PTPRU: variants seen among roughly 807,000 people sequenced by gnomAD.
PTPRU encodes the protein protein tyrosine phosphatase receptor type U.
A neutral mutation model predicts 166.3 loss-of-function variants in PTPRU; 69 were observed. That is an observed-to-expected ratio of 0.41 (90% CI 0.34 to 0.51). The LOEUF (loss-of-function observed/expected upper bound fraction) is 0.51. Ranked by LOEUF, PTPRU falls within the 20% of genes least tolerant of loss-of-function variation. The pLI, the probability that PTPRU is intolerant of heterozygous loss-of-function variation, is 0.09. For missense variants in PTPRU, 1,657 were observed against 2,013.7 expected, an observed-to-expected ratio of 0.82 and a Z score of 3.39; for synonymous variants, 793 against 814.0, an observed-to-expected ratio of 0.97 and a Z score of 0.44.
rs149193602 is a variant in PTPRU, at chr1:29,259,288, G to A, written c.505G>A (p.Asp169Asn). The change falls in exon 4 of 30, where the codon GAC (aspartate) becomes AAC (asparagine). Residue 169 changes from aspartate to asparagine, a missense_variant. Physicochemically the swap from Asp to Asn is conservative, Grantham distance 23. This residue lies in a region of PTPRU where 453 missense variants were observed against 496.9 expected (regional missense o/e 0.91). Transcript: ENST00000373779. ...QVLFEALISP[D>N]RRGYMGLDDI... ...GCTGTTTGAGGCCCTCATCTCCCCA[G>A]ACCGCAGGGGCTACATGGGCCTAGA... is the stretch of plus-strand genomic sequence containing the variant. The A allele has an allele frequency of 1.9e-6, 3 of 1,614,098 alleles. No individual in the cohort carries two copies. Among genetic ancestry groups the A allele is most frequent in the Non-Finnish European group, 2.5e-6 (3 of 1,179,958 alleles).
chr1:29,302,851 T>C (rs1574695071), intron 15 of PTPRU, among the ~76,000 whole-genome samples: 1 of 152,058 alleles, frequency 6.6e-6, no homozygotes, highest in African/African-American at 2.4e-5. Context: ...ACCCGGCCCA[T>C]TTATTATTTT....
intron 26 of PTPRU, among the ~76,000 whole-genome samples, chr1:29,321,325 G>C (rs1203734308): frequency 5.3e-5 from 8 of 151,736 alleles, no homozygotes; most frequent in African/African-American, 1.9e-4. Context: ...ATAGGCATGA[G>C]CCACTGCCTC....
At chr1:29,259,600 T>TTTTTGGGGGGGGGGGGGGGG in intron 5 of PTPRU, 36 bp downstream of exon 5, 1 of 253,678 alleles carries the variant, frequency 3.9e-6, no homozygotes, top group Non-Finnish European at 7.7e-6. Flanking sequence ...GGGGGCGGGG[T>TTTTTGGGGGGGGGGGGGGGG]GGGAGGGGGT....
rs757272592 is a variant in PTPRU at position 29,282,959 on chromosome 1, C to G, written c.2142+10C>G. Reference sequence around the variant, plus strand: ...AAGCCACCTGAAGGGGGTGAGGGACCGGCCAGGGTCATGGTGGGCGTGGTT... The same window carrying G: ...AAGCCACCTGAAGGGGGTGAGGGACGGGCCAGGGTCATGGTGGGCGTGGTT... On this transcript the variant is annotated intron_variant, in intron 12 of 29. Transcript: ENST00000373779. 3 of 1,610,052 alleles carry G rather than the reference C, an allele frequency of 1.9e-6. No individual in the cohort carries two copies. The highest frequency in any genetic ancestry group is 1.4e-5 in the African/African-American group (1 of 73,586).
At chr1:29,276,400 C>G (rs558503111) in intron 8 of PTPRU, among the ~76,000 whole-genome samples, 1 of 152,324 alleles carries the variant, frequency 6.6e-6, no homozygotes, top group Non-Finnish European at 1.5e-5. Context: ...ACTGCAGCCT[C>G]GACCTCCCAG....
rs980745920 is a variant in PTPRU, at chr1:29,316,233, T to C, written c.3513+82T>C. On this transcript the variant is annotated intron_variant, in intron 24 of 29. Coordinates refer to ENST00000373779, the MANE Select transcript of PTPRU (RefSeq NM_133178.4). ...GGCATCCTTAATACTGCAGGAGTCA[T>C]TGAGGGCCAAGAAGCAGGGACCAGC... 8.9e-6 allele frequency: 13 copies of C among 1,464,796 alleles called. No homozygotes were observed. The African/African-American group carries it at 9.8e-5, about 11-fold the overall frequency. 90.7% of individuals were successfully genotyped at this position (1,464,796 alleles called of 1,614,324 possible).
At chr1:29,323,066 C>T (rs1052827793) in intron 26 of PTPRU, among the ~76,000 whole-genome samples, 11 of 152,180 alleles carry the variant, frequency 7.2e-5, no homozygotes, top group Admixed American at 7.2e-4. Flanking sequence ...CATGTAGGAG[C>T]GTGTGAACCG....
In PTPRU at chr1:29,310,519, C is replaced by T. The variant is rs527617562; in HGVS notation, c.2821-225C>T. The stretch of plus-strand genomic sequence containing the variant: ...ATGTCCTCCCTGGGGTTGCACAGCC[C>T]AGGTTGGATTAAGCCCACGACTCTG... On this transcript the variant is annotated intron_variant, in intron 18 of 29. Transcript: ENST00000373779. 2.7e-4 allele frequency among the ~76,000 whole-genome samples: 41 copies of T among 152,220 alleles called. No homozygotes were observed. The South Asian group carries it at 7.7e-3, about 28-fold the overall frequency.
intron 11 of PTPRU, among the ~76,000 whole-genome samples, chr1:29,281,003 G>T (rs549234158): frequency 1.3e-5 from 2 of 152,298 alleles, no homozygotes; most frequent in African/African-American, 2.4e-5. Flanking sequence ...TGGAAGCCAG[G>T]TCTATCTGCT....
intron 29 of PTPRU, 115 bp from the exon 30 acceptor site, chr1:29,325,484 G>A (rs1435470054): frequency 3.3e-6 from 5 of 1,507,320 alleles, no homozygotes; most frequent in Non-Finnish European, 3.7e-6. Context: ...CCTTCTCCCC[G>A]AGGGCGGGCC....
chr1:29,262,894 A>G (rs561791365), intron 7 of PTPRU, among the ~76,000 whole-genome samples: 2 of 152,194 alleles, frequency 1.3e-5, no homozygotes, highest in South Asian at 2.1e-4. Flanking sequence ...TTCTGTCCCT[A>G]TGGATTTGCC....
At chr1:29,258,853 T>C in intron 3 of PTPRU, 77 bp downstream of exon 3, 2 of 1,509,306 alleles carry the variant, frequency 1.3e-6, no homozygotes, top group Non-Finnish European at 1.8e-6. Flanking sequence ...TTGGAGTAGA[T>C]GAGTGGCTGA....
chr1:29,311,766 C>G lies in PTPRU; in HGVS notation c.3072+7C>G. On this transcript the variant is annotated splice_region_variant and intron_variant, in intron 21 of 29. Transcript: ENST00000373779. This position sits in a 1 kb window ranked among gnomAD's most constrained non-coding sequence, Gnocchi z 4.1. The stretch of plus-strand genomic sequence containing the variant: ...CACTTTTGCCCTGGAGCGGGTGAGT[C>G]TCCCCACCGCCTGTTCCCTGCAGAG... 6.2e-7 allele frequency: 1 copy of G among 1,610,872 alleles called. No homozygotes were observed. The highest frequency in any genetic ancestry group is 8.5e-7 in the Non-Finnish European group (1 of 1,177,548).
chr1:29,255,425 G>A lies in PTPRU; in HGVS notation c.205+19G>A, dbSNP rs16838065. The A allele has an allele frequency of 0.091, 146,961 of 1,612,466 alleles. 9,474 individuals carry two copies. The highest frequency in any genetic ancestry group is 0.35 in the East Asian group (15,756 of 44,818). The stretch of plus-strand genomic sequence containing the variant: ...CCCCACGGTAAGTCTACTCTCCATC[G>A]CCATTACCCCTTCTTCTCCTTCCAG... On this transcript the variant is annotated intron_variant, in intron 2 of 29. Coordinates refer to ENST00000373779, the MANE Select transcript of PTPRU (RefSeq NM_133178.4).
rs77405331 is a variant in PTPRU at position 29,317,065 on chromosome 1, G to A, written c.3514-683G>A. 2.4e-4 allele frequency among the ~76,000 whole-genome samples: 36 copies of A among 152,270 alleles called. No homozygotes were observed. The highest frequency in any genetic ancestry group is 7.8e-4 in the Admixed American group (12 of 15,292). ...TTCTCACAGGAGGTGCAGGGTTCCC[G>A]GAGGAGGGTGTCAGGCTTTGGGGAT... On this transcript the variant is annotated intron_variant, in intron 24 of 29. Transcript: ENST00000373779. The surrounding 1 kb of genome is among the most constrained non-coding windows in gnomAD (Gnocchi z 5.6).
intron 25 of PTPRU, 120 bp downstream of exon 25, chr1:29,318,041 G>A: frequency 7.6e-7 from 1 of 1,321,698 alleles, no homozygotes; most frequent in Non-Finnish European, 1.0e-6. Context: ...CCATTCTGGG[G>A]AACAGGCCTG....
intron 11 of PTPRU, among the ~76,000 whole-genome samples, chr1:29,281,692 G>A (rs1686089004): frequency 6.6e-6 from 1 of 152,194 alleles, no homozygotes. Context: ...GCTTGGACTG[G>A]TGTTTATAAT....
intron 15 of PTPRU, among the ~76,000 whole-genome samples, chr1:29,299,827 T>C (rs1307061339): frequency 6.6e-6 from 1 of 152,188 alleles, no homozygotes; most frequent in Non-Finnish European, 1.5e-5. Flanking sequence ...GTCCCTCTTC[T>C]TGAAACTGTT....
chr1:29,306,856 G>A (rs1430313417), intron 18 of PTPRU, among the ~76,000 whole-genome samples: 2 of 152,146 alleles, frequency 1.3e-5, no homozygotes, highest in African/African-American at 4.8e-5. Context: ...TGGAGTCAGG[G>A]CCAGGCCCAG....
Sources: gnomAD v4.1 joint callset for allele counts (sites outside exome capture counted in the v4.1 genomes callset) on GRCh38, gnomAD v4.1.1 for gene constraint, gnomAD v4.1.1 regional missense constraint, Gnocchi (gnomAD v3.1) non-coding constraint, MANE v1.5 for transcripts, NCBI Gene and HGNC (gene_info 2026-07-23, HGNC 2026-07-21) for gene names.